PATE4: variants seen among roughly 807,000 people sequenced by gnomAD.
PATE4 encodes prostate and testis expressed protein 4.
A neutral mutation model predicts 8.5 loss-of-function variants in PATE4; 13 were observed. That is an observed-to-expected ratio of 1.53 (90% CI 1.00 to 2.43). PATE4 has a LOEUF of 2.43. PATE4 is among the 30% of genes most tolerant of loss of function. The pLI is 0.00. For missense variants in PATE4, 127 were observed against 115.5 expected, an observed-to-expected ratio of 1.10 and a Z score of -0.46; for synonymous variants, 47 against 39.3, an observed-to-expected ratio of 1.20 and a Z score of -0.73.
At chr11:125,837,838 C>T in intron 1 of PATE4, 30 bp from the exon 2 acceptor site, 7 of 1,491,848 alleles carry the variant, frequency 4.7e-6, no homozygotes, top group Non-Finnish European at 6.4e-6. Flanking sequence ...CACAATCCAG[C>T]CTGAATATTC....
intron 1 of PATE4, 118 bp from the exon 2 acceptor site, chr11:125,837,750 C>A (rs1169562560): frequency 3.3e-6 from 2 of 613,236 alleles, no homozygotes; most frequent in Non-Finnish European, 5.6e-6. Context: ...TCCACAAATA[C>A]CAGCTAATGG....
In PATE4 at chr11:125,838,381, TGA is replaced by T; in HGVS notation, c.255_256del (p.Arg85SerfsTer6). On this transcript the variant is annotated frameshift_variant, in exon 3 of 3. Transcript: ENST00000457514. LOFTEE classifies it high-confidence loss of function. ...GAGGAGTCCTCCAAAAGAGGCCTGTTGAGAGTGACACTGTGCTGTGACAGAAA... is the reference window on the plus strand; with the variant it reads ...GAGGAGTCCTCCAAAAGAGGCCTGTTGAGTGACACTGTGCTGTGACAGAAA... The T allele has an allele frequency of 6.4e-7, 1 of 1,550,612 alleles. No homozygotes were observed. The highest frequency in any genetic ancestry group is 1.2e-5 in the South Asian group (1 of 84,022).
chr11:125,833,364 G>A lies in PATE4; in HGVS notation c.5G>A (p.Arg2Lys). Residue 2 changes from arginine to lysine, a missense_variant, in exon 1 of 3, where the codon AGG becomes AAG. Transcript: ENST00000457514. M[R>K]KMNTLLLVSL... ...TGTCACCCAAACAAGCATCCAATGAGGAAAATGAACACACTGCTCCTTGTG... is the reference window on the plus strand; with the variant it reads ...TGTCACCCAAACAAGCATCCAATGAAGAAAATGAACACACTGCTCCTTGTG... The A allele has an allele frequency of 6.4e-7, 1 of 1,551,410 alleles. No individual in the cohort carries two copies. Among genetic ancestry groups the A allele is most frequent in the Non-Finnish European group, 8.7e-7 (1 of 1,146,870 alleles).
chr11:125,834,693 G>A (rs189158979), intron 1 of PATE4, among the ~76,000 whole-genome samples: 122 of 152,214 alleles, frequency 8.0e-4, no homozygotes, highest in Non-Finnish European at 6.3e-4. Context: ...TTATCTTATA[G>A]ATATACTCCC....
chr11:125,836,037 T>C (rs1321081570), intron 1 of PATE4: 1 of 151,952 alleles, frequency 6.6e-6, no homozygotes, highest in Non-Finnish European at 1.5e-5. Flanking sequence ...GGGCTTTTAA[T>C]AGAGCTATTT....
At position 125,837,930 on chromosome 11, in the gene PATE4, G is replaced by C. The variant is rs941034630; in HGVS notation, c.121G>C (p.Gly41Arg). 1 of 1,551,634 alleles carries C rather than the reference G, an allele frequency of 6.4e-7. No homozygotes were observed. Among genetic ancestry groups the C allele is most frequent in the Non-Finnish European group, 8.7e-7 (1 of 1,146,940 alleles). The change falls in exon 2 of 3, where the codon GGC becomes CGC. Residue 41 changes from glycine (G) to arginine (R), a missense_variant. Transcript: ENST00000457514. ...AGGATGGAAGTGTATGGCAGGCCGA[G>C]GCACTTGCATTGCAAAAGAAAATGA... is the stretch of plus-strand genomic sequence containing the variant. ...TEGWKCMAGR[G>R]TCIAKENELC...
Position 125,837,854 on chromosome 11 carries a change from T to C in PATE4, c.59-14T>C. ...ACAATCCAGCCTGAATATTCTATTC[T>C]CTCCACCCTGCAGTTATGGGTCTGA... On this transcript the variant is annotated splice_polypyrimidine_tract_variant and intron_variant, in intron 1 of 2. Transcript: ENST00000457514. 1 of 1,533,496 alleles carries C rather than the reference T, an allele frequency of 6.5e-7. No individual in the cohort carries two copies. The highest frequency in any genetic ancestry group is 8.8e-7 in the Non-Finnish European group (1 of 1,131,138). The allele number at this position is 1,533,496 out of a possible 1,614,324, so 95.0% of individuals were successfully genotyped here.
At chr11:125,833,487 G>C in intron 1 of PATE4, 70 bp downstream of exon 1, 1 of 1,401,838 alleles carries the variant, frequency 7.1e-7, no homozygotes, top group Non-Finnish European at 9.9e-7. Flanking sequence ...TACTCTCCAA[G>C]TCTCACTCAC....
chr11:125,834,879 A>G (rs1483828263), intron 1 of PATE4: 4 of 152,218 alleles, frequency 2.6e-5, no homozygotes, highest in Non-Finnish European at 5.9e-5. Flanking sequence ...TGCATAGTAT[A>G]CTACCAATTA....
rs908518842 is a variant in PATE4 at position 125,838,680 on chromosome 11, T to C, written c.*253T>C. On this transcript the variant is annotated 3_prime_UTR_variant, in exon 3 of 3. Transcript: ENST00000457514. ...TCTTTTGTCTTCTACTCCTGATTTCTGATTTCTATCCCTTGTAGGCTAAAT... is the reference window on the plus strand; with the variant it reads ...TCTTTTGTCTTCTACTCCTGATTTCCGATTTCTATCCCTTGTAGGCTAAAT... 4.4e-5 allele frequency: 17 copies of C among 388,068 alleles called. No individual in the cohort carries two copies. The highest frequency in any genetic ancestry group is 3.3e-4 in the African/African-American group (16 of 48,460). 24.0% of individuals were successfully genotyped at this position (388,068 alleles called of 1,614,324 possible). A position where few individuals can be genotyped will look rare whatever the true frequency, so the allele number is the denominator to read the frequency against.
rs543730952 is a variant in PATE4, at chr11:125,833,611, G to A, written c.58+194G>A. Among the ~76,000 whole-genome samples, 150 of 152,158 alleles carry A rather than the reference G, an allele frequency of 9.9e-4. 2 individuals are homozygous for A. The highest frequency in any genetic ancestry group is 3.5e-3 in the African/African-American group (147 of 41,502). On this transcript the variant is annotated intron_variant, in intron 1 of 2. Coordinates refer to ENST00000457514, the MANE Select transcript of PATE4 (RefSeq NM_001144874.1). Reference sequence around the variant, plus strand: ...TGTACTACTGATTGCAGGGAAACAGGACAATTTTCCAACTTCATATTAATT... The same window carrying A: ...TGTACTACTGATTGCAGGGAAACAGAACAATTTTCCAACTTCATATTAATT...
chr11:125,833,414 G>C lies in PATE4; in HGVS notation c.55G>C (p.Glu19Gln). Reference protein sequence around the residue: ...LVSLSFLYLKEVMGLKCNTCI... With the variant: ...LVSLSFLYLKQVMGLKCNTCI... Reference sequence around the variant, plus strand: ...GAGCTTATCTTTTCTCTACCTCAAAGAGGGTAAGTTTGAACAATGGGGGTG... The same window carrying C: ...GAGCTTATCTTTTCTCTACCTCAAACAGGGTAAGTTTGAACAATGGGGGTG... Residue 19 changes from glutamate to glutamine, a missense_variant, in exon 1 of 3, where the codon GAG becomes CAG. Transcript: ENST00000457514. 1 of 1,551,404 alleles carries C rather than the reference G, an allele frequency of 6.4e-7. No homozygotes were observed. The highest frequency in any genetic ancestry group is 8.7e-7 in the Non-Finnish European group (1 of 1,146,796).
intron 1 of PATE4, among the ~76,000 whole-genome samples, chr11:125,836,063 G>A (rs2134200609): frequency 6.6e-6 from 1 of 151,640 alleles, no homozygotes. Context: ...TTATTGCATG[G>A]CACTCAATGC....
chr11:125,837,215 T>C (rs1943926678), intron 1 of PATE4, among the ~76,000 whole-genome samples: 1 of 152,164 alleles, frequency 6.6e-6, no homozygotes, highest in African/African-American at 2.4e-5. Flanking sequence ...CAATGTCGTC[T>C]CCCTACCCTA....
At chr11:125,837,467 A>G (rs983868790) in intron 1 of PATE4, among the ~76,000 whole-genome samples, 4 of 151,986 alleles carry the variant, frequency 2.6e-5, no homozygotes, top group African/African-American at 9.7e-5. Flanking sequence ...CCACCTCCCC[A>G]AGTTTAACCT....
intron 1 of PATE4, among the ~76,000 whole-genome samples, chr11:125,836,949 G>A (rs1387575499): frequency 6.6e-6 from 1 of 152,174 alleles, no homozygotes; most frequent in Non-Finnish European, 1.5e-5. Flanking sequence ...GTTATGCAAA[G>A]GCAATTGGAT....
chr11:125,837,879 A>G lies in PATE4; in HGVS notation c.70A>G (p.Lys24Glu). The G allele has an allele frequency of 6.4e-7, 1 of 1,550,710 alleles. No individual in the cohort carries two copies. The highest frequency in any genetic ancestry group is 8.7e-7 in the Non-Finnish European group (1 of 1,146,124). ...TCTCCACCCTGCAGTTATGGGTCTG[A>G]AGTGTAATACCTGCATATACACAGA... The part of the protein sequence containing the change: ...FLYLKEVMGL[K>E]CNTCIYTEGW... Residue 24 changes from lysine to glutamate, a missense_variant, in exon 2 of 3, where the codon AAG becomes GAG. Lys to Glu is a moderately conservative substitution (Grantham distance 56, BLOSUM62 1). Transcript: ENST00000457514.
At position 125,837,911 on chromosome 11, in the gene PATE4, G is replaced by A; in HGVS notation, c.102G>A (p.Trp34Ter). 1.3e-6 allele frequency: 2 copies of A among 1,551,608 alleles called. No individual in the cohort carries two copies. The highest frequency in any genetic ancestry group is 1.7e-6 in the Non-Finnish European group (2 of 1,146,920). Reference protein sequence around the residue: ...KCNTCIYTEGWKCMAGRGTCI... With the variant: ...KCNTCIYTEG ...ATACCTGCATATACACAGAAGGATG[G>A]AAGTGTATGGCAGGCCGAGGCACTT... Residue 34 changes from tryptophan (W) to a stop codon, truncating the protein, a stop_gained, in exon 2 of 3, where the codon TGG (tryptophan) becomes TGA (stop). Transcript: ENST00000457514. LOFTEE classifies it high-confidence loss of function.
chr11:125,833,395 A>G lies in PATE4; in HGVS notation c.36A>G (p.Leu12=). Residue 12 remains leucine (L), a synonymous_variant, in exon 1 of 3, where the codon TTA becomes TTG. Coordinates refer to ENST00000457514, the MANE Select transcript of PATE4 (RefSeq NM_001144874.1). ...TGAACACACTGCTCCTTGTGAGCTT[A>G]TCTTTTCTCTACCTCAAAGAGGGTA... ...RKMNTLLLVS[L]SFLYLKEVMG... 6.4e-7 allele frequency: 1 copy of G among 1,551,578 alleles called. No individual in the cohort carries two copies. The highest frequency in any genetic ancestry group is 1.2e-5 in the South Asian group (1 of 84,042).
Sources: gnomAD v4.1 joint callset for allele counts (sites outside exome capture counted in the v4.1 genomes callset) on GRCh38, gnomAD v4.1.1 for gene constraint, MANE v1.5 for transcripts, NCBI Gene and HGNC (gene_info 2026-07-23, HGNC 2026-07-21) for gene names.